The following LNX1 variants were observed in gnomAD, a reference collection of about 807,000 sequenced individuals.
The protein encoded by LNX1 is ligand of numb-protein X 1, also known as E3 ubiquitin-protein ligase LNX.
Under a neutral mutation model 68.4 loss-of-function variants are expected in LNX1, and 54 were observed. That is an observed-to-expected ratio of 0.79 (90% CI 0.63 to 0.99). LNX1 has a LOEUF of 0.99. Among genes scored for constraint, LNX1 ranks in the 50% least tolerant of loss-of-function variants. The pLI is 0.00. For synonymous variants in LNX1, 336 were observed against 350.0 expected, an observed-to-expected ratio of 0.96 and a Z score of 0.45; for missense variants, 906 against 926.4, an observed-to-expected ratio of 0.98 and a Z score of 0.29.
At chr4:53,461,893 T>G (rs1722161325) in intron 9 of LNX1, among the ~76,000 whole-genome samples, 1 of 152,144 alleles carries the variant, frequency 6.6e-6, no homozygotes, top group South Asian at 2.1e-4. Flanking sequence ...TGCTTGAATA[T>G]GTATTAGCAA....
intron 2 of LNX1, among the ~76,000 whole-genome samples, chr4:53,538,816 T>C (rs954053257): frequency 2.6e-5 from 4 of 152,126 alleles, no homozygotes; most frequent in African/African-American, 9.7e-5. Flanking sequence ...AACATTAACA[T>C]GCTGGAACAA....
At chr4:53,641,451 G>C (rs1052618828) in intron 1 of LNX1, among the ~76,000 whole-genome samples, 17 of 152,170 alleles carry the variant, frequency 1.1e-4, no homozygotes, top group African/African-American at 3.6e-4. Context: ...AAGAGGAATG[G>C]CTACAACCTC....
chr4:53,556,699 G>A (rs1729937743), intron 2 of LNX1, among the ~76,000 whole-genome samples: 1 of 152,148 alleles, frequency 6.6e-6, no homozygotes, highest in Non-Finnish European at 1.5e-5. Context: ...CAATAAGATG[G>A]GACCAGATAA....
intron 2 of LNX1, among the ~76,000 whole-genome samples, chr4:53,555,559 AGACT>A (rs1385595159): frequency 6.6e-6 from 1 of 152,178 alleles, no homozygotes; most frequent in Non-Finnish European, 1.5e-5. Flanking sequence ...CTTCTCAATT[AGACT>A]GTCAACTCCT....
At chr4:53,591,591 C>T (rs1417044673), upstream of LNX1, 4 of 985,340 alleles carry the variant, frequency 4.1e-6, no homozygotes, top group African/African-American at 7.0e-5. Context: ...ACAGATAAAG[C>T]ATTGCTGAGA....
intron 7 of LNX1, among the ~76,000 whole-genome samples, chr4:53,481,174 T>G (rs1723888217): frequency 6.6e-6 from 1 of 152,316 alleles, no homozygotes; most frequent in South Asian, 2.1e-4. Flanking sequence ...CCACAGTGTT[T>G]TAGAGTTTTC....
Position 53,478,752 on chromosome 4 carries a change from C to T in LNX1, c.1486-10G>A. 1.2e-6 allele frequency: 2 copies of T among 1,607,544 alleles called. No individual in the cohort carries two copies. The highest frequency in any genetic ancestry group is 1.7e-6 in the Non-Finnish European group (2 of 1,175,990). The stretch of plus-strand genomic sequence containing the variant: ...TTGTAGGATGGAGGGGCTGAAGGCA[C>T]AGATGGAAAAACATGGCACATGAAT... On this transcript the variant is annotated splice_polypyrimidine_tract_variant and intron_variant, in intron 7 of 10. Coordinates refer to ENST00000263925, the MANE Select transcript of LNX1 (RefSeq NM_001126328.3).
At chr4:53,541,940 A>C (rs983195768) in intron 2 of LNX1, among the ~76,000 whole-genome samples, 3 of 152,238 alleles carry the variant, frequency 2.0e-5, no homozygotes, top group Non-Finnish European at 4.4e-5. Flanking sequence ...ATATTTGGCA[A>C]ACATGAGCAT....
chr4:53,462,611 A>G (rs1722249066), intron 9 of LNX1, among the ~76,000 whole-genome samples: 1 of 152,108 alleles, frequency 6.6e-6, no homozygotes, highest in South Asian at 2.1e-4. Flanking sequence ...TTTGTTACCA[A>G]CCTTGTTAGT....
At chr4:53,503,288 A>C (rs1725636538) in intron 4 of LNX1, among the ~76,000 whole-genome samples, 2 of 152,192 alleles carry the variant, frequency 1.3e-5, no homozygotes, top group African/African-American at 4.8e-5. Flanking sequence ...AAGGTTTTCA[A>C]TTTTCCTTGC....
chr4:53,514,259 G>A (rs1225244613), intron 2 of LNX1, among the ~76,000 whole-genome samples: 3 of 152,202 alleles, frequency 2.0e-5, no homozygotes, highest in African/African-American at 7.2e-5. Context: ...GCATATAGAA[G>A]GTGCTCAGTG....
chr4:53,478,846 A>C (rs1318414790), intron 7 of LNX1, 104 bp from the exon 8 acceptor site: 1 of 1,083,184 alleles, frequency 9.2e-7, no homozygotes, highest in Non-Finnish European at 1.3e-6. Context: ...TGCAAAAATT[A>C]CCAAAGCTGC....
intron 2 of LNX1, among the ~76,000 whole-genome samples, chr4:53,517,570 T>C (rs1163820785): frequency 2.0e-5 from 3 of 152,218 alleles, no homozygotes; most frequent in African/African-American, 7.2e-5. Flanking sequence ...GTAAAGAACT[T>C]TCCGAGTTCA....
chr4:53,645,130 G>GT (rs1383957588), intron 1 of LNX1, among the ~76,000 whole-genome samples: 1 of 152,152 alleles, frequency 6.6e-6, no homozygotes, highest in Non-Finnish European at 1.5e-5. Flanking sequence ...TTTTGCCTGT[G>GT]TTTTTCTCCT....
chr4:53,519,265 T>A (rs1727026555), intron 2 of LNX1, among the ~76,000 whole-genome samples: 1 of 152,154 alleles, frequency 6.6e-6, no homozygotes, highest in Non-Finnish European at 1.5e-5. Flanking sequence ...AGCACCTTAG[T>A]CCAGGCACTC....
intron 1 of LNX1, among the ~76,000 whole-genome samples, chr4:53,574,300 T>A (rs1304714900): frequency 6.6e-6 from 1 of 152,246 alleles, no homozygotes; most frequent in Non-Finnish European, 1.5e-5. Flanking sequence ...CCAGTGGGAA[T>A]AATGTTCACC....
At chr4:53,500,858 A>T (rs1725424530) in intron 4 of LNX1, among the ~76,000 whole-genome samples, 2 of 152,236 alleles carry the variant, frequency 1.3e-5, no homozygotes, top group African/African-American at 4.8e-5. Context: ...ATGGAAAAAA[A>T]TTCATTCTGA....
At chr4:53,514,556 A>G (rs1179244026) in intron 2 of LNX1, among the ~76,000 whole-genome samples, 1 of 152,202 alleles carries the variant, frequency 6.6e-6, no homozygotes, top group Non-Finnish European at 1.5e-5. Context: ...TACCATGAGA[A>G]CAGTATGGGG....
intron 2 of LNX1, among the ~76,000 whole-genome samples, chr4:53,535,034 G>A (rs1489697782): frequency 6.6e-6 from 1 of 152,220 alleles, no homozygotes; most frequent in Non-Finnish European, 1.5e-5. Flanking sequence ...AAGCTGATGG[G>A]AGATGTTTGT....
Sources: allele counts gnomAD v4.1 joint callset (sites outside exome capture counted in the v4.1 genomes callset), GRCh38; gene constraint gnomAD v4.1.1; transcripts MANE v1.5; gene names NCBI Gene and HGNC (gene_info 2026-07-23, HGNC 2026-07-21).